THRB: variants seen among roughly 807,000 people sequenced by gnomAD.
THRB encodes nuclear receptor subfamily 1 group A member 2.
Under a neutral mutation model 47.8 loss-of-function variants are expected in THRB, and 12 were observed. The ratio of observed to expected loss-of-function variants is 0.25; its 90% CI spans 0.16 to 0.41. The LOEUF is 0.41. Among genes scored for constraint, THRB ranks in the 10% least tolerant of loss-of-function variants. The pLI is 1.00. For missense variants in THRB, 348 were observed against 589.2 expected (o/e 0.59, Z 4.24); for synonymous variants, 218 against 212.2 (o/e 1.03, Z -0.24).
chr3:24,248,013 A>C (rs115722082), intron 3 of THRB, among the ~76,000 whole-genome samples: 128 of 151,956 alleles, frequency 8.4e-4, no homozygotes, highest in African/African-American at 3.1e-3. Context: ...ACCCTGTATC[A>C]GTGAGACACA....
chr3:24,330,388 T>A (rs1020264278), intron 2 of THRB, among the ~76,000 whole-genome samples: 10 of 152,350 alleles, frequency 6.6e-5, no homozygotes, highest in East Asian at 3.9e-4. Context: ...CTTAATTTTT[T>A]AAAAAGTTTA....
At chr3:24,420,680 T>G (rs993502335) in intron 1 of THRB, among the ~76,000 whole-genome samples, 3 of 151,808 alleles carry the variant, frequency 2.0e-5, no homozygotes, top group East Asian at 3.9e-4. Context: ...GAATGGCTAT[T>G]ATTAAAAAGT....
In THRB at chr3:24,416,669, C is replaced by T. The variant is rs576241897; in HGVS notation, c.-261+77983G>A. ...GCAACCTATTAACCTCGTTCTATCC[C>T]TGAATGAACCTTTCAGGCTAGAAGG... is the stretch of plus-strand genomic sequence containing the variant. On this transcript the variant is annotated intron_variant, in intron 1 of 10. Coordinates refer to ENST00000646209, the MANE Select transcript of THRB (RefSeq NM_001354712.2). Among the ~76,000 whole-genome samples, 9 of 151,948 alleles carry T rather than the reference C, an allele frequency of 5.9e-5. No homozygotes were observed. In the South Asian group the frequency reaches 1.9e-3, roughly 31 times the overall value.
intron 1 of THRB, among the ~76,000 whole-genome samples, chr3:24,477,007 A>ATTTTTT (rs558247174): frequency 1.6e-5 from 2 of 126,474 alleles, no homozygotes; most frequent in African/African-American, 3.1e-5. Flanking sequence ...GGTTTTCAAG[A>ATTTTTT]TTTTTTTTTT....
intron 1 of THRB, among the ~76,000 whole-genome samples, chr3:24,479,865 G>T (rs1015827904): frequency 6.6e-6 from 1 of 152,122 alleles, no homozygotes; most frequent in Non-Finnish European, 1.5e-5. Flanking sequence ...TTGCCTGGAG[G>T]ATTACTCTTG....
At chr3:24,301,209 TC>T (rs2056916288) in intron 2 of THRB, among the ~76,000 whole-genome samples, 1 of 152,164 alleles carries the variant, frequency 6.6e-6, no homozygotes, top group Admixed American at 6.5e-5. Flanking sequence ...AAACTTCTTC[TC>T]CCCAGAACTG....
chr3:24,456,746 G>A (rs2073206868), intron 1 of THRB, among the ~76,000 whole-genome samples: 1 of 151,700 alleles, frequency 6.6e-6, no homozygotes, highest in Admixed American at 6.6e-5. Flanking sequence ...GATAATATAA[G>A]ATAGTATACA....
intron 3 of THRB, among the ~76,000 whole-genome samples, chr3:24,269,444 T>TACACAC (rs1559784463): frequency 2.2e-5 from 3 of 136,054 alleles, no homozygotes; most frequent in African/African-American, 9.4e-5. Flanking sequence ...CACACACACT[T>TACACAC]AAGTTATCTT....
intron 4 of THRB, among the ~76,000 whole-genome samples, chr3:24,192,510 T>C (rs72619923): frequency 0.089 from 13,594 of 152,222 alleles, 747 homozygotes; most frequent in Admixed American, 0.16. Context: ...TGCAGAAAAT[T>C]CCTAAAATTT....
At chr3:24,471,705 C>G (rs577606196) in intron 1 of THRB, among the ~76,000 whole-genome samples, 7 of 152,122 alleles carry the variant, frequency 4.6e-5, no homozygotes, top group Admixed American at 4.6e-4. Context: ...GCAGATCAAC[C>G]CTCTCTAGTC....
chr3:24,347,773 G>GA (rs1559989021), intron 1 of THRB, among the ~76,000 whole-genome samples: 1 of 151,522 alleles, frequency 6.6e-6, no homozygotes, highest in South Asian at 2.1e-4. Context: ...ACTCAAACAG[G>GA]AAAAAATAAT....
intron 4 of THRB, among the ~76,000 whole-genome samples, chr3:24,203,526 C>T (rs72619926): frequency 0.12 from 17,931 of 152,196 alleles, 1,145 homozygotes; most frequent in Admixed American, 0.18. Flanking sequence ...AGTTTTGGGG[C>T]GGTTCTCAGA....
intron 3 of THRB, among the ~76,000 whole-genome samples, chr3:24,276,219 T>C (rs1312736542): frequency 1.3e-5 from 2 of 152,210 alleles, no homozygotes; most frequent in Non-Finnish European, 2.9e-5. Flanking sequence ...CCAGTTAGTG[T>C]ATAATAATTG....
intron 2 of THRB, among the ~76,000 whole-genome samples, chr3:24,306,013 C>T (rs2057310914): frequency 6.6e-6 from 1 of 152,196 alleles, no homozygotes; most frequent in Non-Finnish European, 1.5e-5. Flanking sequence ...ACTTCCTCCT[C>T]TTGCTAATTT....
intron 1 of THRB, among the ~76,000 whole-genome samples, chr3:24,433,863 G>A (rs925380175): frequency 3.3e-5 from 5 of 152,134 alleles, no homozygotes; most frequent in Non-Finnish European, 7.4e-5. Context: ...CCCTGGATGG[G>A]AGTAAGGAAT....
At chr3:24,454,047 G>T (rs187498945) in intron 1 of THRB, among the ~76,000 whole-genome samples, 2 of 152,126 alleles carry the variant, frequency 1.3e-5, no homozygotes, top group East Asian at 3.9e-4. Context: ...AATATAAAAC[G>T]AAATAAAAAT....
intron 1 of THRB, among the ~76,000 whole-genome samples, chr3:24,370,365 T>C (rs1505289): frequency 0.47 from 71,259 of 151,776 alleles, 17,087 homozygotes; most frequent in African/African-American, 0.52. Context: ...CCTTACTTCA[T>C]AGCACCGTGG....
At chr3:24,419,726 T>C (rs1421411261) in intron 1 of THRB, among the ~76,000 whole-genome samples, 2 of 151,946 alleles carry the variant, frequency 1.3e-5, no homozygotes, top group East Asian at 3.9e-4. Context: ...TATTTATATA[T>C]CACATCTTCT....
At chr3:24,288,894 T>C (rs1202684770) in intron 3 of THRB, among the ~76,000 whole-genome samples, 1 of 152,182 alleles carries the variant, frequency 6.6e-6, no homozygotes, top group Non-Finnish European at 1.5e-5. Context: ...GTATGCTTGG[T>C]CGTTATGTAA....
Sources: allele counts gnomAD v4.1 joint callset (sites outside exome capture counted in the v4.1 genomes callset), GRCh38; gene constraint gnomAD v4.1.1; transcripts MANE v1.5; gene names NCBI Gene and HGNC (gene_info 2026-07-23, HGNC 2026-07-21).